The following DAZAP1 variants were observed in gnomAD, a reference collection of about 807,000 sequenced individuals.
The protein encoded by DAZAP1 is DAZ associated protein 1, also known as DAZ-associated protein 1.
DAZAP1 carries 6 observed loss-of-function variants against 60.1 expected under a neutral mutation model. That is an observed-to-expected ratio of 0.10 (90% CI 0.05 to 0.20). The LOEUF is 0.20. Among genes scored for constraint, DAZAP1 ranks in the 10% least tolerant of loss-of-function variants. The pLI is 1.00. For synonymous variants in DAZAP1, 235 were observed against 215.9 expected, an observed-to-expected ratio of 1.09 and a Z score of -0.78; for missense variants, 366 against 560.4, an observed-to-expected ratio of 0.65 and a Z score of 3.50.
chr19:1,429,889 C>A, intron 8 of DAZAP1, 78 bp from the exon 9 acceptor site: 1 of 1,539,620 alleles, frequency 6.5e-7, no homozygotes, highest in Non-Finnish European at 8.8e-7. Flanking sequence ...CCCTTGACGT[C>A]CATGCTCTGC....
In DAZAP1 at chr19:1,428,747, C is replaced by A; in HGVS notation, c.547-95C>A. ...GTATTTAGTCTTAAGTTGTAAGATGCTAAGTGTAGTCATAAGTTACCCGAG... is the reference window on the plus strand; with the variant it reads ...GTATTTAGTCTTAAGTTGTAAGATGATAAGTGTAGTCATAAGTTACCCGAG... On this transcript the variant is annotated intron_variant, in intron 7 of 11. Transcript: ENST00000233078. This position sits in a 1 kb window ranked among gnomAD's most constrained non-coding sequence, Gnocchi z 4.0. 7.0e-7 allele frequency: 1 copy of A among 1,425,000 alleles called. No homozygotes were observed. The highest frequency in any genetic ancestry group is 9.6e-7 in the Non-Finnish European group (1 of 1,036,294). 88.3% of individuals were successfully genotyped at this position (1,425,000 alleles called of 1,614,324 possible).
intron 1 of DAZAP1, among the ~76,000 whole-genome samples, chr19:1,412,587 C>A (rs1051570194): frequency 3.9e-5 from 6 of 152,230 alleles, no homozygotes; most frequent in African/African-American, 1.4e-4. Context: ...GGGCTGGCCG[C>A]CGGTTTTTGA....
chr19:1,424,846 C>T (rs913627752), intron 6 of DAZAP1, among the ~76,000 whole-genome samples: 10 of 152,144 alleles, frequency 6.6e-5, no homozygotes, highest in East Asian at 1.9e-4. Context: ...GGGCTGGTGC[C>T]GCCTGGGCCC....
chr19:1,409,143 CTG>C (rs765085878), intron 1 of DAZAP1, among the ~76,000 whole-genome samples: 58 of 152,376 alleles, frequency 3.8e-4, no homozygotes, highest in Admixed American at 9.1e-4. Flanking sequence ...CTAGCCCGTG[CTG>C]TGAGTCCTCT....
At chr19:1,421,279 G>A (rs1466689813) in intron 5 of DAZAP1, 21 bp downstream of exon 5, 2 of 1,599,216 alleles carry the variant, frequency 1.3e-6, no homozygotes, top group Non-Finnish European at 1.7e-6. Context: ...CCCCACCCCG[G>A]CAGCACTGTG....
At position 1,426,088 on chromosome 19, in the gene DAZAP1, G is replaced by A. The variant is rs575231515; in HGVS notation, c.546+128G>A. 74 of 738,648 alleles carry A rather than the reference G, an allele frequency of 1.0e-4. No individual in the cohort carries two copies. The East Asian group carries it at 1.1e-3, about 11-fold the overall frequency. The allele number at this position is 738,648 out of a possible 1,614,324, so 45.8% of individuals were successfully genotyped here. ...AGTTCGTCCTGTGAACCTTTGCTGC[G>A]TGAGGTGGGCCTGGGTCTGTAGACG... On this transcript the variant is annotated intron_variant, in intron 7 of 11. Coordinates refer to ENST00000233078, the MANE Select transcript of DAZAP1 (RefSeq NM_018959.4). The surrounding 1 kb of genome is among the most constrained non-coding windows in gnomAD (Gnocchi z 5.4).
chr19:1,414,455 T>C (rs1040825948), intron 1 of DAZAP1, among the ~76,000 whole-genome samples: 2 of 152,056 alleles, frequency 1.3e-5, no homozygotes, highest in African/African-American at 4.8e-5. Flanking sequence ...GTGATCAAAA[T>C]TGAGAAAGTG....
chr19:1,413,988 A>AGTGT (rs1156764751), intron 1 of DAZAP1, among the ~76,000 whole-genome samples: 5 of 95,798 alleles, frequency 5.2e-5, no homozygotes, highest in Non-Finnish European at 8.3e-5. Context: ...CCCCCAGTGA[A>AGTGT]CTGTGTGTGT....
chr19:1,431,443 T>A (rs996578422), intron 10 of DAZAP1, among the ~76,000 whole-genome samples: 34 of 152,036 alleles, frequency 2.2e-4, no homozygotes, highest in Non-Finnish European at 4.1e-4. Context: ...TTATTTATTT[T>A]TTTGAGATGG....
rs2083513779 is a variant in DAZAP1 at position 1,433,635 on chromosome 19, C to T, written c.1048+945C>T. Reference sequence around the variant, plus strand: ...CCACCAAACCCTGGCGTGTCTGAGACTGGCAGGGGGGTGTGAGGCGCCCGG... The same window carrying T: ...CCACCAAACCCTGGCGTGTCTGAGATTGGCAGGGGGGTGTGAGGCGCCCGG... On this transcript the variant is annotated intron_variant, in intron 11 of 11. Coordinates refer to ENST00000233078, the MANE Select transcript of DAZAP1 (RefSeq NM_018959.4). The surrounding 1 kb of genome is among the most constrained non-coding windows in gnomAD (Gnocchi z 6.1). 1 of 905,658 alleles carries T rather than the reference C, an allele frequency of 1.1e-6. No individual in the cohort carries two copies. Among genetic ancestry groups the T allele is most frequent in the South Asian group, 1.4e-5 (1 of 70,056 alleles). The allele number at this position is 905,658 out of a possible 1,614,324, so 56.1% of individuals were successfully genotyped here.
intron 1 of DAZAP1, among the ~76,000 whole-genome samples, chr19:1,412,212 AG>A (rs530578967): frequency 4.5e-4 from 69 of 151,816 alleles, no homozygotes; most frequent in Non-Finnish European, 7.8e-4. Flanking sequence ...CGTGGGCTGG[AG>A]GGGGGGCATC....
At chr19:1,421,569 C>T (rs1400697168) in intron 5 of DAZAP1, among the ~76,000 whole-genome samples, 2 of 152,272 alleles carry the variant, frequency 1.3e-5, no homozygotes, top group African/African-American at 2.4e-5. Flanking sequence ...TACACAGAAA[C>T]GGGGTTCAGT....
Position 1,434,928 on chromosome 19 carries a change from C to T in DAZAP1, c.*16C>T, listed in dbSNP as rs755001839. On this transcript the variant is annotated 3_prime_UTR_variant, in exon 12 of 12. Transcript: ENST00000233078. This position sits in a 1 kb window ranked among gnomAD's most constrained non-coding sequence, Gnocchi z 8.0. The stretch of plus-strand genomic sequence containing the variant: ...CCGACGCTAGCCCGCGGCGCCGCGA[C>T]GTCTGCACGGCCCAGACCCAGGATT... The T allele has an allele frequency of 7.1e-6, 10 of 1,415,902 alleles. No homozygotes were observed. The highest frequency in any genetic ancestry group is 4.5e-5 in the South Asian group (3 of 67,282). The allele number at this position is 1,415,902 out of a possible 1,614,324, so 87.7% of individuals were successfully genotyped here.
At chr19:1,408,243 G>A (rs2082722002) in intron 1 of DAZAP1, among the ~76,000 whole-genome samples, 1 of 152,110 alleles carries the variant, frequency 6.6e-6, no homozygotes. Context: ...GGCCCCGAAC[G>A]GGAACTTGGG....
chr19:1,430,202 C>T lies in DAZAP1; in HGVS notation c.731-20C>T. On this transcript the variant is annotated intron_variant, in intron 9 of 11. Transcript: ENST00000233078. ...TTGTCCAGCGCTCTCTGTCCATCAC[C>T]CCCGTACTGTGTGTTTCAGGTGGCT... is the stretch of plus-strand genomic sequence containing the variant. 6.3e-7 allele frequency: 1 copy of T among 1,589,120 alleles called. No homozygotes were observed. Among genetic ancestry groups the T allele is most frequent in the Non-Finnish European group, 8.6e-7 (1 of 1,167,964 alleles).
intron 2 of DAZAP1, among the ~76,000 whole-genome samples, chr19:1,417,793 G>A (rs2083031115): frequency 6.6e-6 from 1 of 152,214 alleles, no homozygotes. Context: ...GCTTGTGGAG[G>A]CAGACAGCTG....
chr19:1,421,513 G>A (rs917772479), intron 5 of DAZAP1, among the ~76,000 whole-genome samples: 8 of 152,274 alleles, frequency 5.3e-5, no homozygotes, highest in African/African-American at 7.2e-5. Flanking sequence ...GCGGCCGCCC[G>A]ATTCCATTGT....
Position 1,433,735 on chromosome 19 carries a change from C to T in DAZAP1, c.1049-1002C>T. 6.2e-7 allele frequency: 1 copy of T among 1,613,228 alleles called. No individual in the cohort carries two copies. The stretch of plus-strand genomic sequence containing the variant: ...TTGGTCACCCTGGTCTCGTCTCTTG[C>T]CAGGCCTGGGTTCCTATTCTCCAGC... On this transcript the variant is annotated intron_variant, in intron 11 of 11. Coordinates refer to ENST00000233078, the MANE Select transcript of DAZAP1 (RefSeq NM_018959.4). The surrounding 1 kb of genome is among the most constrained non-coding windows in gnomAD (Gnocchi z 6.1).
intron 8 of DAZAP1, 41 bp from the exon 9 acceptor site, chr19:1,429,926 G>T: frequency 6.4e-7 from 1 of 1,555,162 alleles, no homozygotes; most frequent in Non-Finnish European, 8.7e-7. Context: ...CGGACAGCTG[G>T]TGGACACGGC....
Sources: allele counts gnomAD v4.1 joint callset (sites outside exome capture counted in the v4.1 genomes callset), GRCh38; gene constraint gnomAD v4.1.1; non-coding constraint Gnocchi (gnomAD v3.1); transcripts MANE v1.5; gene names NCBI Gene and HGNC (gene_info 2026-07-23, HGNC 2026-07-21).